EHD4: variants seen among roughly 807,000 people sequenced by gnomAD.
The protein encoded by EHD4 is EH domain-containing protein 4.
In EHD4, 37 loss-of-function variants were observed where a neutral mutation model predicts 51.0. The ratio of observed to expected loss-of-function variants is 0.73; its 90% CI spans 0.56 to 0.95. The LOEUF (loss-of-function observed/expected upper bound fraction) is 0.95. Among genes scored for constraint, EHD4 ranks in the 40% least tolerant of loss-of-function variants. The pLI, the probability that EHD4 is intolerant of heterozygous loss-of-function variation, is 0.00. For synonymous variants in EHD4, 297 were observed against 317.3 expected (o/e 0.94, Z 0.68); for missense variants, 632 against 733.1 (o/e 0.86, Z 1.59).
At chr15:41,938,811 C>T (rs2067748156) in intron 3 of EHD4, among the ~76,000 whole-genome samples, 1 of 152,158 alleles carries the variant, frequency 6.6e-6, no homozygotes, top group Non-Finnish European at 1.5e-5. Flanking sequence ...ATGCCAAATG[C>T]TAAATAGATT....
intron 3 of EHD4, among the ~76,000 whole-genome samples, chr15:41,939,937 T>C (rs1355205818): frequency 6.6e-6 from 1 of 152,106 alleles, no homozygotes; most frequent in Non-Finnish European, 1.5e-5. Flanking sequence ...ATACGGCTCC[T>C]AAACAGGAGA....
At chr15:41,966,164 C>T (rs12102194) in intron 1 of EHD4, among the ~76,000 whole-genome samples, 5,806 of 152,046 alleles carry the variant, frequency 0.038, 378 homozygotes, top group African/African-American at 0.13. Flanking sequence ...GGCCTCCTTC[C>T]CCCAGGCCTA....
intron 3 of EHD4, among the ~76,000 whole-genome samples, chr15:41,928,048 T>C (rs2067674353): frequency 6.6e-6 from 1 of 152,184 alleles, no homozygotes; most frequent in Non-Finnish European, 1.5e-5. Flanking sequence ...TCAGGTATTA[T>C]AAATACACTT....
intron 3 of EHD4, 63 bp downstream of exon 3, chr15:41,943,004 C>T (rs1452114184): frequency 7.1e-7 from 1 of 1,404,404 alleles, no homozygotes; most frequent in East Asian, 2.5e-5. Flanking sequence ...CAGAAATCCT[C>T]TGCTCACAGC....
At chr15:41,951,647 G>A (rs1307095002) in intron 2 of EHD4, among the ~76,000 whole-genome samples, 1 of 152,174 alleles carries the variant, frequency 6.6e-6, no homozygotes, top group Non-Finnish European at 1.5e-5. Flanking sequence ...AAAGGGCAGT[G>A]GCAATGAAAC....
chr15:41,911,751 G>A (rs965434093), intron 4 of EHD4, among the ~76,000 whole-genome samples: 1 of 152,118 alleles, frequency 6.6e-6, no homozygotes, highest in Non-Finnish European at 1.5e-5. Context: ...CAAACACAAG[G>A]GCTTCTTATT....
intron 2 of EHD4, among the ~76,000 whole-genome samples, chr15:41,950,151 A>C (rs2141003101): frequency 6.6e-6 from 1 of 152,318 alleles, no homozygotes; most frequent in East Asian, 1.9e-4. Context: ...AAACCTTTTT[A>C]GGAATTTATC....
intron 2 of EHD4, among the ~76,000 whole-genome samples, chr15:41,952,705 G>A (rs1291615710): frequency 2.0e-5 from 3 of 152,096 alleles, no homozygotes; most frequent in Non-Finnish European, 2.9e-5. Context: ...TAGTGACCAC[G>A]TAGGCTGGGT....
At chr15:41,949,016 C>CTATATATATATATATATATA (rs3035677) in intron 2 of EHD4, among the ~76,000 whole-genome samples, 53 of 92,454 alleles carry the variant, frequency 5.7e-4, no homozygotes, top group Non-Finnish European at 8.3e-4. Flanking sequence ...CAGAGTGAGA[C>CTATATATATATATATATATA]TATATATATA....
intron 3 of EHD4, among the ~76,000 whole-genome samples, chr15:41,922,931 G>C (rs960249213): frequency 6.6e-6 from 1 of 152,122 alleles, no homozygotes; most frequent in African/African-American, 2.4e-5. Flanking sequence ...CACACATCAG[G>C]CAACACAATC....
intron 1 of EHD4, among the ~76,000 whole-genome samples, chr15:41,959,512 T>C (rs1260799089): frequency 6.6e-6 from 1 of 152,150 alleles, no homozygotes; most frequent in Non-Finnish European, 1.5e-5. Flanking sequence ...GTTCAATTCA[T>C]TGCTATTGCC....
At chr15:41,942,829 T>TCGTTTA in intron 3 of EHD4, 4 of 420,742 alleles carry the variant, frequency 9.5e-6, no homozygotes, top group Non-Finnish European at 1.8e-5. Flanking sequence ...TTTACCCCAC[T>TCGTTTA]CCTCATCTTC....
chr15:41,916,498 T>C (rs551099295), intron 4 of EHD4, among the ~76,000 whole-genome samples: 3 of 152,316 alleles, frequency 2.0e-5, no homozygotes, highest in African/African-American at 7.2e-5. Flanking sequence ...CTACAGAGCT[T>C]TGGAACAGTT....
At chr15:41,935,841 G>T (rs1269256019) in intron 3 of EHD4, among the ~76,000 whole-genome samples, 1 of 152,048 alleles carries the variant, frequency 6.6e-6, no homozygotes, top group African/African-American at 2.4e-5. Context: ...CTGTCAGAAG[G>T]TGATAGTCAG....
chr15:41,942,802 C>A, intron 3 of EHD4: 1 of 242,652 alleles, frequency 4.1e-6, no homozygotes, highest in Non-Finnish European at 7.6e-6. Flanking sequence ...CCCCTCACAC[C>A]TCGATACCTC....
At chr15:41,916,725 C>T (rs1196366321) in intron 4 of EHD4, among the ~76,000 whole-genome samples, 2 of 152,336 alleles carry the variant, frequency 1.3e-5, no homozygotes, top group South Asian at 2.1e-4. Context: ...GCTTCTCCTC[C>T]GGGTGAGCCC....
At chr15:41,903,292 A>AC (rs1344645604) in intron 5 of EHD4, among the ~76,000 whole-genome samples, 4 of 144,400 alleles carry the variant, frequency 2.8e-5, no homozygotes, top group East Asian at 2.0e-4. Context: ...AAAAAAAAAA[A>AC]AAAACTTGGT....
At chr15:41,966,116 G>A (rs1055375636) in intron 1 of EHD4, among the ~76,000 whole-genome samples, 44 of 152,092 alleles carry the variant, frequency 2.9e-4, no homozygotes, top group African/African-American at 1.1e-3. Flanking sequence ...CTGAGGTTGT[G>A]CTTGTCTTTA....
intron 5 of EHD4, among the ~76,000 whole-genome samples, chr15:41,901,890 G>A (rs1303062766): frequency 3.9e-5 from 6 of 152,272 alleles, no homozygotes; most frequent in Non-Finnish European, 1.5e-5. Flanking sequence ...GCAGGGCCAC[G>A]GAGACCTTGC....
Sources: gnomAD v4.1 joint callset for allele counts (sites outside exome capture counted in the v4.1 genomes callset) on GRCh38, gnomAD v4.1.1 for gene constraint, MANE v1.5 for transcripts, NCBI Gene and HGNC (gene_info 2026-07-23, HGNC 2026-07-21) for gene names.